The following CCDC91 variants were observed in gnomAD, a reference collection of about 807,000 sequenced individuals.
CCDC91 encodes coiled-coil domain containing 91.
CCDC91 carries 48 observed loss-of-function variants against 63.2 expected under a neutral mutation model. The ratio of observed to expected loss-of-function variants is 0.76; its 90% CI spans 0.60 to 0.97. The LOEUF is 0.97. CCDC91 is among the 50% of genes least tolerant of loss of function. CCDC91 has a pLI of 0.00. For synonymous variants in CCDC91, 167 were observed against 165.8 expected (o/e 1.01, Z -0.06); for missense variants, 500 against 494.6 (o/e 1.01, Z -0.10).
chr12:28,500,175 C>A (rs1314350779), intron 12 of CCDC91, among the ~76,000 whole-genome samples: 1 of 145,832 alleles, frequency 6.9e-6, no homozygotes, highest in Non-Finnish European at 1.5e-5. Context: ...ATCCTTCGCC[C>A]ACTTTTTGAT....
intron 12 of CCDC91, among the ~76,000 whole-genome samples, chr12:28,511,807 C>A (rs531818211): frequency 1.1e-4 from 17 of 151,798 alleles, no homozygotes; most frequent in African/African-American, 3.9e-4. Context: ...TCATTTTATG[C>A]GGCTGGCAGG....
intron 11 of CCDC91, among the ~76,000 whole-genome samples, chr12:28,476,244 G>T (rs1362126735): frequency 2.0e-5 from 3 of 152,046 alleles, no homozygotes; most frequent in Non-Finnish European, 1.5e-5. Context: ...CTCGGCAAAT[G>T]CAAAAGAACA....
At chr12:28,510,237 ATG>A (rs60548491) in intron 12 of CCDC91, among the ~76,000 whole-genome samples, 4 of 149,032 alleles carry the variant, frequency 2.7e-5, no homozygotes, top group Non-Finnish European at 4.5e-5. Context: ...TCAATAGGGC[ATG>A]TGTGTGTGTG....
intron 6 of CCDC91, among the ~76,000 whole-genome samples, chr12:28,319,178 T>A (rs1940219978): frequency 6.6e-6 from 1 of 151,972 alleles, no homozygotes; most frequent in African/African-American, 2.4e-5. Flanking sequence ...GTAAACTGTT[T>A]CGGTGAATTT....
intron 8 of CCDC91, among the ~76,000 whole-genome samples, chr12:28,408,913 G>T (rs1255449225): frequency 6.6e-6 from 1 of 152,112 alleles, no homozygotes; most frequent in African/African-American, 2.4e-5. Flanking sequence ...AAAGTGCTGG[G>T]ATTACAGGGG....
chr12:28,334,475 T>C (rs1941770264), intron 6 of CCDC91, among the ~76,000 whole-genome samples: 1 of 152,164 alleles, frequency 6.6e-6, no homozygotes, highest in South Asian at 2.1e-4. Flanking sequence ...TCTCTATCCT[T>C]GCCTATGGCA....
intron 6 of CCDC91, among the ~76,000 whole-genome samples, chr12:28,332,799 T>A (rs990367709): frequency 6.6e-6 from 1 of 152,052 alleles, no homozygotes; most frequent in Non-Finnish European, 1.5e-5. Context: ...AACATTGACC[T>A]CATGGCCAAC....
intron 6 of CCDC91, among the ~76,000 whole-genome samples, chr12:28,314,100 C>G (rs1238457560): frequency 6.6e-6 from 1 of 151,936 alleles, no homozygotes; most frequent in African/African-American, 2.4e-5. Context: ...TTTTTAAAGA[C>G]TGGACTTAAT....
chr12:28,428,096 T>G (rs1948425113), intron 8 of CCDC91, among the ~76,000 whole-genome samples: 2 of 151,968 alleles, frequency 1.3e-5, no homozygotes, highest in Non-Finnish European at 2.9e-5. Flanking sequence ...ATCTGTCTTT[T>G]ATTGATATAA....
At chr12:28,502,211 G>C (rs1041949792) in intron 12 of CCDC91, among the ~76,000 whole-genome samples, 2 of 151,854 alleles carry the variant, frequency 1.3e-5, no homozygotes, top group African/African-American at 4.8e-5. Context: ...GTCTCCTTAA[G>C]CTGATAAGCA....
intron 8 of CCDC91, among the ~76,000 whole-genome samples, chr12:28,402,473 T>C (rs770171220): frequency 7.9e-5 from 12 of 151,670 alleles, no homozygotes; most frequent in Non-Finnish European, 1.5e-4. Context: ...TTTTGTATAT[T>C]ATCCTTGTAT....
At chr12:28,449,210 A>G (rs1183109626) in intron 8 of CCDC91, among the ~76,000 whole-genome samples, 1 of 152,100 alleles carries the variant, frequency 6.6e-6, no homozygotes, top group Non-Finnish European at 1.5e-5. Context: ...CTCTCAATAT[A>G]GACTGTCTCC....
intron 1 of CCDC91, among the ~76,000 whole-genome samples, chr12:28,222,344 T>G (rs931869975): frequency 6.6e-6 from 1 of 152,122 alleles, no homozygotes; most frequent in Non-Finnish European, 1.5e-5. Context: ...GAGTAAGCTA[T>G]TGGTGATATG....
intron 1 of CCDC91, among the ~76,000 whole-genome samples, chr12:28,220,896 T>G (rs1171392568): frequency 3.9e-5 from 6 of 152,122 alleles, no homozygotes; most frequent in African/African-American, 1.4e-4. Context: ...GTAATTAGAT[T>G]ATGATGCGCA....
intron 1 of CCDC91, among the ~76,000 whole-genome samples, chr12:28,240,935 A>C (rs1945287505): frequency 6.6e-6 from 1 of 152,170 alleles, no homozygotes; most frequent in Non-Finnish European, 1.5e-5. Context: ...TTCTTAAAGA[A>C]ACTGAACAAC....
chr12:28,505,926 T>G (rs534695836), intron 12 of CCDC91, among the ~76,000 whole-genome samples: 33 of 152,100 alleles, frequency 2.2e-4, no homozygotes, highest in African/African-American at 7.7e-4. Flanking sequence ...ACAGGAAAAT[T>G]TCCTTTAGGT....
chr12:28,405,674 T>G (rs902819248), intron 8 of CCDC91, among the ~76,000 whole-genome samples: 2 of 152,190 alleles, frequency 1.3e-5, no homozygotes, highest in African/African-American at 4.8e-5. Context: ...CATCCATCCC[T>G]TTCAGGGCTT....
intron 11 of CCDC91, among the ~76,000 whole-genome samples, chr12:28,456,438 A>G (rs1352803501): frequency 6.6e-6 from 1 of 152,170 alleles, no homozygotes; most frequent in Non-Finnish European, 1.5e-5. Context: ...AAGTCAATTT[A>G]TATGAAATTC....
At chr12:28,259,798 C>T (rs1022047911) in intron 3 of CCDC91, among the ~76,000 whole-genome samples, 2 of 151,776 alleles carry the variant, frequency 1.3e-5, no homozygotes, top group Non-Finnish European at 1.5e-5. Flanking sequence ...AATAATTTAT[C>T]ATCTCCAACA....
Sources: gnomAD v4.1 joint callset for allele counts (sites outside exome capture counted in the v4.1 genomes callset) on GRCh38, gnomAD v4.1.1 for gene constraint, MANE v1.5 for transcripts, NCBI Gene and HGNC (gene_info 2026-07-23, HGNC 2026-07-21) for gene names.